The following DOT1L variants were observed in gnomAD, a reference collection of about 807,000 sequenced individuals.
DOT1L encodes the protein DOT1 like histone lysine methyltransferase, also known as histone-lysine N-methyltransferase, H3 lysine-79 specific.
A neutral mutation model predicts 153.3 loss-of-function variants in DOT1L; 33 were observed. The observed-to-expected ratio is 0.22, with a 90% CI of 0.16 to 0.29. The LOEUF is 0.29. DOT1L is among the 10% of genes least tolerant of loss of function. DOT1L has a pLI of 1.00. For synonymous variants in DOT1L, 1,135 were observed against 965.1 expected (o/e 1.18, Z -3.26); for missense variants, 1,847 against 2,119.9 (o/e 0.87, Z 2.53).
intron 2 of DOT1L, among the ~76,000 whole-genome samples, chr19:2,182,982 C>G (rs914488148): frequency 1.1e-4 from 16 of 152,128 alleles, no homozygotes; most frequent in Middle Eastern, 3.2e-3. Context: ...GCAGAGACCT[C>G]GAAACTCGAA....
At chr19:2,185,291 G>C (rs1236854129) in intron 2 of DOT1L, among the ~76,000 whole-genome samples, 1 of 152,192 alleles carries the variant, frequency 6.6e-6, no homozygotes, top group Non-Finnish European at 1.5e-5. Flanking sequence ...TAGCAGATAA[G>C]TTCACTTAGG....
chr19:2,200,335 C>G (rs376617064), intron 8 of DOT1L, among the ~76,000 whole-genome samples: 4 of 151,208 alleles, frequency 2.6e-5, no homozygotes. Context: ...GAGGGCTGCT[C>G]GAGGGAGCGG....
intron 19 of DOT1L, 69 bp from the exon 20 acceptor site, chr19:2,216,212 T>C: frequency 6.7e-7 from 1 of 1,502,706 alleles, no homozygotes; most frequent in Non-Finnish European, 8.9e-7. Context: ...GGTGTCCATC[T>C]GTGGCAGTCT....
In DOT1L at chr19:2,174,992, GTGTA is replaced by G. The variant is rs1370956675; in HGVS notation, c.82-5719_82-5716del. Among the ~76,000 whole-genome samples, 139 of 98,082 alleles carry G rather than the reference GTGTA, an allele frequency of 1.4e-3. 2 individuals are homozygous for G. The highest frequency in any genetic ancestry group is 7.2e-3 in the African/African-American group (121 of 16,750). The allele number at this position is 98,082 out of a possible 152,430, so 64.3% of individuals were successfully genotyped here. Reference sequence around the variant, plus strand: ...TGTGTGTGTGTGTGTGTGTGTGTGTGTGTATATATATATTTTTTTTTTTTTAGAT... The same window carrying G: ...TGTGTGTGTGTGTGTGTGTGTGTGTGTATATATATTTTTTTTTTTTTAGAT... On this transcript the variant is annotated intron_variant, in intron 1 of 27. Transcript: ENST00000398665.
intron 3 of DOT1L, among the ~76,000 whole-genome samples, chr19:2,186,549 G>C (rs2022515681): frequency 6.6e-6 from 1 of 152,238 alleles, no homozygotes; most frequent in South Asian, 2.1e-4. Context: ...GCTGTCGTGA[G>C]CTTAGGTGAG....
In DOT1L at chr19:2,216,523, C is replaced by G; in HGVS notation, c.2166C>G (p.Leu722=). 3 of 1,612,116 alleles carry G rather than the reference C, an allele frequency of 1.9e-6. No individual in the cohort carries two copies. ...SMNGQAAGYE[L]CGVLSRPSSK... ...ACGGCCAGGCTGCTGGCTATGAGCT[C>G]TGCGGTGTGCTGAGCCGGCCTTCGT... The change falls in exon 20 of 28, where the codon CTC becomes CTG. Residue 722 remains leucine, a synonymous_variant. Transcript: ENST00000398665.
In DOT1L at chr19:2,207,673, G is replaced by A. The variant is rs2144815311; in HGVS notation, c.956G>A (p.Arg319His). The change falls in exon 11 of 28, where the codon CGC (arginine) becomes CAC (histidine). Residue 319 changes from arginine to histidine, a missense_variant. Physicochemically the swap from Arg to His is conservative, Grantham distance 29. This residue lies in a region of DOT1L where 148 missense variants were observed against 422.3 expected (regional missense o/e 0.35). Transcript: ENST00000398665. This position sits in a 1 kb window ranked among gnomAD's most constrained non-coding sequence, Gnocchi z 4.5. ...PVSYYLHTID[R>H]TILENYFSSL... Reference sequence around the variant, plus strand: ...TCCTACTACCTGCACACTATCGACCGCACCATAGTGAGTATCTCGCTGCGC... The same window carrying A: ...TCCTACTACCTGCACACTATCGACCACACCATAGTGAGTATCTCGCTGCGC... The A allele has an allele frequency of 6.2e-7, 1 of 1,610,938 alleles. No individual in the cohort carries two copies. The highest frequency in any genetic ancestry group is 8.5e-7 in the Non-Finnish European group (1 of 1,179,084).
At chr19:2,201,852 C>T (rs1393646204) in intron 8 of DOT1L, among the ~76,000 whole-genome samples, 1 of 152,240 alleles carries the variant, frequency 6.6e-6, no homozygotes, top group Non-Finnish European at 1.5e-5. Flanking sequence ...CCTGCTCTGG[C>T]TCTGGGCACA....
chr19:2,200,007 C>T (rs2023181914), intron 8 of DOT1L, 68 bp downstream of exon 8: 9 of 1,581,044 alleles, frequency 5.7e-6, no homozygotes, highest in Non-Finnish European at 6.9e-6. Flanking sequence ...GGCCATGGCA[C>T]CGGGGACCGG....
chr19:2,207,621 T>C lies in DOT1L; in HGVS notation c.904T>C (p.Ser302Pro). The C allele has an allele frequency of 6.2e-7, 1 of 1,612,794 alleles. No homozygotes were observed. Among genetic ancestry groups the C allele is most frequent in the Non-Finnish European group, 8.5e-7 (1 of 1,179,808 alleles). The change falls in exon 11 of 28, where the codon TCG becomes CCG. Residue 302 changes from serine (S) to proline (P), a missense_variant. Coordinates refer to ENST00000398665, the MANE Select transcript of DOT1L (RefSeq NM_032482.3). This position sits in a 1 kb window ranked among gnomAD's most constrained non-coding sequence, Gnocchi z 4.5. ...RVVELSPLKGSVSWTGKPVSY... is the reference protein window; with the variant it reads ...RVVELSPLKGPVSWTGKPVSY... ...GGTGGAGCTCTCGCCCCTGAAGGGC[T>C]CGGTGTCGTGGACGGGGAAGCCAGT...
Position 2,164,184 on chromosome 19 carries a change from C to T in DOT1L, c.-1C>T. ...ATGGTGCGGCGGCCGCGCGCGCGGA[C>T]ATGGGGGAGAAGCTGGAGCTGAGAC... On this transcript the variant is annotated 5_prime_UTR_variant, in exon 1 of 28. Transcript: ENST00000398665. 1 of 1,234,626 alleles carries T rather than the reference C, an allele frequency of 8.1e-7. No homozygotes were observed. Among genetic ancestry groups the T allele is most frequent in the Non-Finnish European group, 1.0e-6 (1 of 987,564 alleles). The allele number at this position is 1,234,626 out of a possible 1,614,324, so 76.5% of individuals were successfully genotyped here.
chr19:2,173,178 G>A (rs1470152384), intron 1 of DOT1L, among the ~76,000 whole-genome samples: 2 of 151,904 alleles, frequency 1.3e-5, no homozygotes, highest in Non-Finnish European at 1.5e-5. Context: ...CACGAGTCCC[G>A]CGCTTTCCTC....
At position 2,213,830 on chromosome 19, in the gene DOT1L, C is replaced by A. The variant is rs747725762; in HGVS notation, c.1660-19C>A. ...TTGGAGGCCACCAGCATGACCTCTC[C>A]CCCGCCCCATGTCCCCAGCTGGGTG... On this transcript the variant is annotated intron_variant, in intron 17 of 27. Coordinates refer to ENST00000398665, the MANE Select transcript of DOT1L (RefSeq NM_032482.3). 6.2e-7 allele frequency: 1 copy of A among 1,612,926 alleles called. No homozygotes were observed. Among genetic ancestry groups the A allele is most frequent in the Non-Finnish European group, 8.5e-7 (1 of 1,179,898 alleles).
At chr19:2,226,135 C>A in intron 26 of DOT1L, 48 bp from the exon 27 acceptor site, 1 of 1,484,328 alleles carries the variant, frequency 6.7e-7, no homozygotes, top group Non-Finnish European at 8.9e-7. Context: ...CATGGGTAGC[C>A]CGGGCAGGTG....
intron 1 of DOT1L, among the ~76,000 whole-genome samples, chr19:2,177,898 T>C (rs77698181): frequency 0.031 from 4,705 of 151,348 alleles, 247 homozygotes; most frequent in African/African-American, 0.11. Flanking sequence ...GTATCTTGGA[T>C]TACAGGTGTG....
At chr19:2,211,627 G>C (rs564582090) in intron 15 of DOT1L, 124 bp from the exon 16 acceptor site, 4 of 812,176 alleles carry the variant, frequency 4.9e-6, no homozygotes, top group Non-Finnish European at 7.7e-6. Flanking sequence ...GCTCTGCTGA[G>C]CTCCTGCCTC....
chr19:2,227,084 C>T lies in DOT1L; in HGVS notation c.4563C>T (p.His1521=), dbSNP rs1260707911. The T allele has an allele frequency of 1.9e-6, 3 of 1,562,708 alleles. No homozygotes were observed. The highest frequency in any genetic ancestry group is 1.7e-6 in the Non-Finnish European group (2 of 1,160,158). ...SSAATRLTNS[H]AMGSFSGVAG... ...CTGCCACCAGACTGACCAACTCGCA[C>T]GCCATGGGCAGCTTTTCCGGGGTGG... Residue 1521 remains histidine (H), a synonymous_variant, in exon 27 of 28, where the codon CAC becomes CAT. Transcript: ENST00000398665.
At chr19:2,218,587 G>A (rs1005757733) in intron 22 of DOT1L, among the ~76,000 whole-genome samples, 14 of 151,862 alleles carry the variant, frequency 9.2e-5, no homozygotes, top group East Asian at 1.9e-4. Context: ...TAGAGATGGG[G>A]TTTCACCGTG....
In DOT1L at chr19:2,193,818, CAG is replaced by C. The variant is rs1491270554; in HGVS notation, c.588+36_588+37del. ...TCTGAGGGCCAGGGTGTGTTGGAGG[CAG>C]GGGACCATCAGAGAAAGTGACGCCC... On this transcript the variant is annotated intron_variant, in intron 6 of 27. Coordinates refer to ENST00000398665, the MANE Select transcript of DOT1L (RefSeq NM_032482.3). The surrounding 1 kb of genome is among the most constrained non-coding windows in gnomAD (Gnocchi z 5.9). 10 of 1,601,492 alleles carry C rather than the reference CAG, an allele frequency of 6.2e-6. No individual in the cohort carries two copies. The highest frequency in any genetic ancestry group is 1.3e-5 in the African/African-American group (1 of 74,752).
Sources: allele counts gnomAD v4.1 joint callset (sites outside exome capture counted in the v4.1 genomes callset), GRCh38; gene constraint gnomAD v4.1.1; regional missense constraint gnomAD v4.1.1; non-coding constraint Gnocchi (gnomAD v3.1); transcripts MANE v1.5; gene names NCBI Gene and HGNC (gene_info 2026-07-23, HGNC 2026-07-21).